Variants in GNAS-AS1 observed in about 807,000 individuals in gnomAD.
The protein encoded by GNAS-AS1 is GNAS antisense RNA 1 (non-protein coding).
chr20:58,845,677 C>CT (rs1351277068), intron 2 of GNAS-AS1, among the ~76,000 whole-genome samples: 2 of 152,138 alleles, frequency 1.3e-5, no homozygotes, highest in Non-Finnish European at 2.9e-5. Flanking sequence ...TTTTCTTTCC[C>CT]TTGTTTAAAA....
chr20:58,824,552 T>C (rs1287311423), intron 4 of GNAS-AS1, among the ~76,000 whole-genome samples: 2 of 152,170 alleles, frequency 1.3e-5, no homozygotes, highest in Non-Finnish European at 2.9e-5. Context: ...CACTGACCCA[T>C]GGAGGCAGTC....
chr20:58,832,230 T>C (rs1474994482), intron 4 of GNAS-AS1, among the ~76,000 whole-genome samples: 1 of 152,162 alleles, frequency 6.6e-6, no homozygotes, highest in African/African-American at 2.4e-5. Flanking sequence ...TTGGGAAATA[T>C]ATGATATATA....
intron 3 of GNAS-AS1, chr20:58,842,360 T>A: frequency 2.5e-6 from 1 of 397,954 alleles, no homozygotes; most frequent in Non-Finnish European, 4.4e-6. Context: ...TAGTAAAGCG[T>A]TTTGAGGGCT....
At chr20:58,820,325 G>A (rs568287074) in intron 4 of GNAS-AS1, among the ~76,000 whole-genome samples, 4 of 152,328 alleles carry the variant, frequency 2.6e-5, no homozygotes, top group African/African-American at 7.2e-5. Flanking sequence ...AGGCTGAGCC[G>A]AGCCTCTAGA....
At chr20:58,842,522 G>A (rs960798976) in exon 3 of GNAS-AS1, 6 of 398,518 alleles carry the variant, frequency 1.5e-5, no homozygotes, top group African/African-American at 1.0e-4. Context: ...CGCAGACTGT[G>A]GTTGGATGCT....
At chr20:58,838,153 T>C (rs1305674015) in intron 4 of GNAS-AS1, among the ~76,000 whole-genome samples, 1 of 152,202 alleles carries the variant, frequency 6.6e-6, no homozygotes, top group Non-Finnish European at 1.5e-5. Context: ...CTCTGAGTTG[T>C]TTCGCCTTTG....
At chr20:58,821,391 G>A (rs1000988585) in intron 4 of GNAS-AS1, among the ~76,000 whole-genome samples, 2 of 152,172 alleles carry the variant, frequency 1.3e-5, no homozygotes, top group African/African-American at 2.4e-5. Flanking sequence ...TTTGAAAGGC[G>A]ACCTCTGGAG....
rs2086023519 is a variant in GNAS-AS1 at position 58,848,429 on chromosome 20, T to C, written n.413+450A>G. ...TTCCTTAGCTGCATAAACACATTAA[T>C]AGACTTTCCTTCCTCAGTCCTATCA... On this transcript the variant is annotated intron_variant and non_coding_transcript_variant, in intron 2 of 4. Coordinates refer to ENST00000424094, the Ensembl canonical transcript of GNAS-AS1. 3.9e-5 allele frequency among the ~76,000 whole-genome samples: 6 copies of C among 152,350 alleles called. 1 individual carries two copies. The South Asian group carries it at 1.2e-3, about 32-fold the overall frequency.
intron 4 of GNAS-AS1, chr20:58,838,968 C>T (rs905538857): frequency 1.3e-5 from 5 of 393,338 alleles, no homozygotes; most frequent in African/African-American, 1.1e-4. Flanking sequence ...CTGTAAGGGG[C>T]CTCCAGTGAG....
intron 4 of GNAS-AS1, among the ~76,000 whole-genome samples, chr20:58,833,646 C>T (rs2085582194): frequency 6.6e-6 from 1 of 152,148 alleles, no homozygotes; most frequent in Non-Finnish European, 1.5e-5. Flanking sequence ...AGGATGCACC[C>T]GGCTAGGGCA....
At chr20:58,830,667 CATCACCATCACCACT>C (rs1199611455) in intron 4 of GNAS-AS1, among the ~76,000 whole-genome samples, 5 of 133,484 alleles carry the variant, frequency 3.7e-5, no homozygotes, top group African/African-American at 1.5e-4. Flanking sequence ...CCACCACCAC[CATCACCATCACCACT>C]ACCATCACAA....
At chr20:58,846,653 C>A (rs923037151) in intron 2 of GNAS-AS1, among the ~76,000 whole-genome samples, 1 of 152,220 alleles carries the variant, frequency 6.6e-6, no homozygotes, top group Non-Finnish European at 1.5e-5. Flanking sequence ...CAAAGACCGG[C>A]AGCCAGCAGA....
chr20:58,833,534 T>C (rs571111910), intron 4 of GNAS-AS1, among the ~76,000 whole-genome samples: 5 of 152,216 alleles, frequency 3.3e-5, no homozygotes, highest in African/African-American at 1.2e-4. Flanking sequence ...GGTGACCTTG[T>C]AGACCAACCC....
intron 4 of GNAS-AS1, among the ~76,000 whole-genome samples, chr20:58,828,165 C>T (rs1318169087): frequency 6.6e-6 from 1 of 151,386 alleles, no homozygotes; most frequent in Admixed American, 6.6e-5. Flanking sequence ...CTTGGCCAAA[C>T]CCTTCCCGGC....
intron 4 of GNAS-AS1, among the ~76,000 whole-genome samples, chr20:58,831,449 G>A (rs1403424016): frequency 6.6e-6 from 1 of 152,190 alleles, no homozygotes; most frequent in Non-Finnish European, 1.5e-5. Flanking sequence ...GGCCGAGGCG[G>A]GCAGATCACG....
chr20:58,841,279 T>C lies in GNAS-AS1; in HGVS notation n.819+658A>G, dbSNP rs138461295. 1.7e-3 allele frequency: 1,831 copies of C among 1,052,068 alleles called. 26 individuals are homozygous for C. In the East Asian group the frequency reaches 0.053, roughly 30 times the overall value. The allele number at this position is 1,052,068 out of a possible 1,614,324, so 65.2% of individuals were successfully genotyped here. A position where few individuals can be genotyped will look rare whatever the true frequency, so the allele number is the denominator to read the frequency against. On this transcript the variant is annotated intron_variant and non_coding_transcript_variant, in intron 4 of 4. Transcript: ENST00000424094. The surrounding 1 kb of genome is among the most constrained non-coding windows in gnomAD (Gnocchi z 5.0). ...CCTAGAAAGACTAGTCTCAAATAAG[T>C]TGGCCTTCTCAGGTGTCCAAAATGT...
chr20:58,830,663 C>CCACCAT (rs1351704016), intron 4 of GNAS-AS1, among the ~76,000 whole-genome samples: 1 of 145,494 alleles, frequency 6.9e-6, no homozygotes, highest in East Asian at 2.0e-4. Flanking sequence ...ATCACCACCA[C>CCACCAT]CACCATCACC....
chr20:58,841,243 C>A lies in GNAS-AS1; in HGVS notation n.819+694G>T. 1 of 931,360 alleles carries A rather than the reference C, an allele frequency of 1.1e-6. No individual in the cohort carries two copies. Among genetic ancestry groups the A allele is most frequent in the Non-Finnish European group, 1.4e-6 (1 of 739,414 alleles). 57.7% of individuals were successfully genotyped at this position (931,360 alleles called of 1,614,324 possible). ...ATTGGTAAGTCACTTGTTTTGCGCGCTTTTCTTCCTCCTAGAAAGACTAGT... is the reference window on the plus strand; with the variant it reads ...ATTGGTAAGTCACTTGTTTTGCGCGATTTTCTTCCTCCTAGAAAGACTAGT... On this transcript the variant is annotated intron_variant and non_coding_transcript_variant, in intron 4 of 4. Transcript: ENST00000424094. The surrounding 1 kb of genome is among the most constrained non-coding windows in gnomAD (Gnocchi z 5.0).
chr20:58,842,045 C>T (rs999681353), exon 4 of GNAS-AS1: 6 of 567,710 alleles, frequency 1.1e-5, no homozygotes, highest in South Asian at 1.8e-4. Context: ...CCGGCGGCTC[C>T]GGCAGCCTTG....
Sources: allele counts gnomAD v4.1 joint callset (sites outside exome capture counted in the v4.1 genomes callset), GRCh38; gene constraint gnomAD v4.1.1; non-coding constraint Gnocchi (gnomAD v3.1); transcripts MANE v1.5; gene names NCBI Gene and HGNC (gene_info 2026-07-23, HGNC 2026-07-21).